Variants in CCDC102B observed in about 807,000 individuals in gnomAD.
CCDC102B encodes the protein coiled-coil domain containing 102B.
Under a neutral mutation model 57.4 loss-of-function variants are expected in CCDC102B, and 75 were observed. The ratio of observed to expected loss-of-function variants is 1.31; its 90% CI spans 1.08 to 1.58. CCDC102B has a LOEUF of 1.58. Among genes scored for constraint, CCDC102B ranks in the 40% most tolerant of loss-of-function variants. CCDC102B has a pLI of 0.00. For synonymous variants in CCDC102B, 206 were observed against 201.9 expected, an observed-to-expected ratio of 1.02 and a Z score of -0.17; for missense variants, 636 against 582.6, an observed-to-expected ratio of 1.09 and a Z score of -0.94.
In CCDC102B at chr18:68,837,051, G is replaced by A. The variant is rs748707716; in HGVS notation, c.288G>A (p.Ser96=). 5.4e-5 allele frequency: 87 copies of A among 1,614,018 alleles called. No homozygotes were observed. The highest frequency in any genetic ancestry group is 2.3e-4 in the South Asian group (21 of 91,080). ...TGGAAAAGACCATGCGGTGGTGGTCGGACTGCACTGCCAACTGGAGAGAAA... is the reference window on the plus strand; with the variant it reads ...TGGAAAAGACCATGCGGTGGTGGTCAGACTGCACTGCCAACTGGAGAGAAA... ...AQMEKTMRWW[S]DCTANWREKW... Residue 96 remains serine (S), a synonymous_variant, in exon 2 of 8, where the codon TCG becomes TCA. Coordinates refer to ENST00000360242, the MANE Select transcript of CCDC102B (RefSeq NM_024781.3).
chr18:68,981,602 A>G (rs1340430894), intron 6 of CCDC102B, among the ~76,000 whole-genome samples: 1 of 152,052 alleles, frequency 6.6e-6, no homozygotes, highest in African/African-American at 2.4e-5. Flanking sequence ...GGTGCCAGAT[A>G]TAGGGCAGTG....
At chr18:68,796,645 G>A (rs2035638046), upstream of CCDC102B, among the ~76,000 whole-genome samples, 1 of 152,012 alleles carries the variant, frequency 6.6e-6, no homozygotes, top group Admixed American at 6.6e-5. Context: ...GATGGATGGA[G>A]GATGAGGCAT....
chr18:68,921,258 C>A (rs946411325), intron 6 of CCDC102B, among the ~76,000 whole-genome samples: 2 of 152,108 alleles, frequency 1.3e-5, no homozygotes, highest in Non-Finnish European at 2.9e-5. Context: ...AATTGAATCA[C>A]GGAGGCAAGT....
chr18:69,042,620 G>C (rs1217552779), intron 7 of CCDC102B, among the ~76,000 whole-genome samples: 1 of 152,072 alleles, frequency 6.6e-6, no homozygotes, highest in Non-Finnish European at 1.5e-5. Flanking sequence ...ATTCCCTTAA[G>C]AAGTGTGTAA....
chr18:68,790,406 A>T (rs1049673924), intron 2 of CCDC102B, among the ~76,000 whole-genome samples: 7 of 152,058 alleles, frequency 4.6e-5, no homozygotes, highest in Admixed American at 3.3e-4. Flanking sequence ...AGCCTGGGCA[A>T]TGGCGGGCGC....
chr18:68,975,766 T>A (rs980710898), intron 6 of CCDC102B, among the ~76,000 whole-genome samples: 3 of 151,858 alleles, frequency 2.0e-5, no homozygotes, highest in Non-Finnish European at 4.4e-5. Flanking sequence ...ACGATTTCAT[T>A]CATTCACTAA....
At chr18:68,895,471 C>T (rs1027850399) in intron 5 of CCDC102B, among the ~76,000 whole-genome samples, 5 of 151,626 alleles carry the variant, frequency 3.3e-5, no homozygotes, top group African/African-American at 1.2e-4. Context: ...AGTTGTTGGG[C>T]TTTTAGAATT....
intron 4 of CCDC102B, among the ~76,000 whole-genome samples, chr18:68,873,985 C>A (rs2039334662): frequency 6.6e-6 from 1 of 151,826 alleles, no homozygotes; most frequent in African/African-American, 2.4e-5. Context: ...ATGTATTTAT[C>A]AAATTTCACG....
intron 6 of CCDC102B, among the ~76,000 whole-genome samples, chr18:68,945,041 G>T (rs774240252): frequency 6.6e-6 from 1 of 151,512 alleles, no homozygotes; most frequent in Non-Finnish European, 1.5e-5. Flanking sequence ...AGATGCCAGC[G>T]TGTTATCTTG....
At chr18:69,029,270 G>T (rs1397300740) in intron 7 of CCDC102B, among the ~76,000 whole-genome samples, 1 of 152,042 alleles carries the variant, frequency 6.6e-6, no homozygotes, top group Admixed American at 6.6e-5. Flanking sequence ...TTATCAACAG[G>T]TCAAATGTGT....
intron 7 of CCDC102B, among the ~76,000 whole-genome samples, chr18:69,036,323 G>A (rs970360591): frequency 7.2e-5 from 11 of 152,032 alleles, no homozygotes; most frequent in South Asian, 2.1e-4. Flanking sequence ...TATATTATCC[G>A]TTTGATGTGA....
intron 1 of CCDC102B, among the ~76,000 whole-genome samples, chr18:68,805,520 C>T (rs1351408588): frequency 6.6e-6 from 1 of 151,952 alleles, no homozygotes; most frequent in Non-Finnish European, 1.5e-5. Context: ...AAAACTGGAG[C>T]ACAGAATAGG....
chr18:68,773,149 G>A (rs1006150992), intron 2 of CCDC102B, among the ~76,000 whole-genome samples: 1 of 151,570 alleles, frequency 6.6e-6, no homozygotes, highest in South Asian at 2.1e-4. Context: ...TTTCATTCTT[G>A]GAAACAACAT....
intron 6 of CCDC102B, among the ~76,000 whole-genome samples, chr18:68,925,039 T>C (rs1163532153): frequency 6.6e-6 from 1 of 152,018 alleles, no homozygotes; most frequent in Non-Finnish European, 1.5e-5. Context: ...GCTACTGCTA[T>C]GCACTAAGGC....
intron 7 of CCDC102B, among the ~76,000 whole-genome samples, chr18:69,031,174 G>A (rs551140836): frequency 1.3e-5 from 2 of 152,240 alleles, no homozygotes; most frequent in East Asian, 3.9e-4. Context: ...TTTAGAATTG[G>A]AAGGATATTT....
intron 6 of CCDC102B, among the ~76,000 whole-genome samples, chr18:68,925,361 G>C (rs2041442855): frequency 6.6e-6 from 1 of 151,894 alleles, no homozygotes; most frequent in African/African-American, 2.4e-5. Context: ...CTGTTTCCAG[G>C]TGATTCAAAT....
chr18:68,953,020 C>T (rs2049742824), intron 6 of CCDC102B, among the ~76,000 whole-genome samples: 1 of 152,048 alleles, frequency 6.6e-6, no homozygotes, highest in African/African-American at 2.4e-5. Flanking sequence ...GATATAGACA[C>T]ACAGTGGGAT....
At chr18:68,762,780 T>C (rs1229703960) in intron 2 of CCDC102B, among the ~76,000 whole-genome samples, 1 of 152,156 alleles carries the variant, frequency 6.6e-6, no homozygotes, top group African/African-American at 2.4e-5. Flanking sequence ...ACTGCCACAG[T>C]GCATGATAAA....
intron 2 of CCDC102B, among the ~76,000 whole-genome samples, chr18:68,750,563 T>C (rs1180968641): frequency 6.6e-6 from 1 of 152,046 alleles, no homozygotes; most frequent in East Asian, 1.9e-4. Flanking sequence ...TTTCCATCAA[T>C]GATAGACTGG....
Sources: allele counts gnomAD v4.1 joint callset (sites outside exome capture counted in the v4.1 genomes callset), GRCh38; gene constraint gnomAD v4.1.1; transcripts MANE v1.5; gene names NCBI Gene and HGNC (gene_info 2026-07-23, HGNC 2026-07-21).